Variants in PLBD2 observed in about 807,000 individuals in gnomAD.
PLBD2 encodes the protein phospholipase B domain containing 2.
Under a neutral mutation model 68.3 loss-of-function variants are expected in PLBD2, and 51 were observed. That is an observed-to-expected ratio of 0.75 (90% CI 0.60 to 0.94). The LOEUF is 0.94. PLBD2 is among the 40% of genes least tolerant of loss of function. PLBD2 has a pLI of 0.00. For synonymous variants in PLBD2, 314 were observed against 339.3 expected (o/e 0.93, Z 0.82); for missense variants, 729 against 792.2 (o/e 0.92, Z 0.96).
chr12:113,369,265 G>A, intron 2 of PLBD2, 56 bp downstream of exon 2: 1 of 1,424,982 alleles, frequency 7.0e-7, no homozygotes, highest in Non-Finnish European at 9.6e-7. Flanking sequence ...CCACAAGCAT[G>A]TTCCCCAGTG....
intron 2 of PLBD2, among the ~76,000 whole-genome samples, chr12:113,371,603 T>C (rs1373804803): frequency 6.6e-6 from 1 of 152,226 alleles, no homozygotes; most frequent in African/African-American, 2.4e-5. Flanking sequence ...GCTCACGGCC[T>C]GCTGGGGACA....
At position 113,358,753 on chromosome 12, in the gene PLBD2, C is replaced by A; in HGVS notation, c.153C>A (p.Arg51=). ...CAGCGCCGGGGGGCCGCTGGGCGCGCGATGGGCAGGTCCCTCCAGCCTCCC... is the reference window on the plus strand; with the variant it reads ...CAGCGCCGGGGGGCCGCTGGGCGCGAGATGGGCAGGTCCCTCCAGCCTCCC... ...AIPAPGGRWA[R]DGQVPPASRS... The change falls in exon 1 of 12, where the codon CGC becomes CGA. Residue 51 remains arginine, a synonymous_variant. Transcript: ENST00000280800. The A allele has an allele frequency of 7.1e-7, 1 of 1,399,928 alleles. No homozygotes were observed. 86.7% of individuals were successfully genotyped at this position (1,399,928 alleles called of 1,614,324 possible).
At chr12:113,366,929 C>T (rs907195191) in intron 1 of PLBD2, among the ~76,000 whole-genome samples, 10 of 152,152 alleles carry the variant, frequency 6.6e-5, no homozygotes, top group Admixed American at 3.3e-4. Context: ...AAGCGATTCT[C>T]CTGCCTCAGG....
chr12:113,360,696 G>C (rs1333705020), intron 1 of PLBD2, among the ~76,000 whole-genome samples: 2 of 152,208 alleles, frequency 1.3e-5, no homozygotes, highest in Non-Finnish European at 2.9e-5. Context: ...TCACTCCGTT[G>C]CCCAGCTGGA....
At chr12:113,359,965 T>G (rs1281871866) in intron 1 of PLBD2, among the ~76,000 whole-genome samples, 1 of 152,134 alleles carries the variant, frequency 6.6e-6, no homozygotes, top group Non-Finnish European at 1.5e-5. Context: ...CACTAGGATG[T>G]GCCCAGGATG....
At chr12:113,386,150 T>C (rs1304276090) in intron 9 of PLBD2, among the ~76,000 whole-genome samples, 1 of 152,174 alleles carries the variant, frequency 6.6e-6, no homozygotes, top group East Asian at 1.9e-4. Context: ...ATTATTGTTA[T>C]CCCGAATGTC....
At position 113,374,405 on chromosome 12, in the gene PLBD2, C is replaced by T. The variant is rs550667019; in HGVS notation, c.544-69C>T. The T allele has an allele frequency of 9.7e-5, 105 of 1,085,384 alleles. 1 individual carries two copies. In the Middle Eastern group the frequency reaches 2.0e-3, roughly 20 times the overall value. 67.2% of individuals were successfully genotyped at this position (1,085,384 alleles called of 1,614,324 possible). A position where few individuals can be genotyped will look rare whatever the true frequency, so the allele number is the denominator to read the frequency against. On this transcript the variant is annotated intron_variant, in intron 3 of 11. Transcript: ENST00000280800. Reference sequence around the variant, plus strand: ...TGAACCCCCAGGCCAGAGCCCGTCCCGTTGAAGGAGAAGGTGTGAGCCTGG... The same window carrying T: ...TGAACCCCCAGGCCAGAGCCCGTCCTGTTGAAGGAGAAGGTGTGAGCCTGG...
chr12:113,387,986 C>A lies in PLBD2; in HGVS notation c.1602+80C>A, dbSNP rs1008875261. The stretch of plus-strand genomic sequence containing the variant: ...GCTTTGGGGAAGGGACAGGTTGGGG[C>A]AAAGCTGATGGCGGGGCAGGAATCA... On this transcript the variant is annotated intron_variant, in intron 11 of 11. Transcript: ENST00000280800. 8.6e-6 allele frequency: 13 copies of A among 1,518,058 alleles called. No individual in the cohort carries two copies. The African/African-American group carries it at 1.6e-4, about 19-fold the overall frequency. 94.0% of individuals were successfully genotyped at this position (1,518,058 alleles called of 1,614,324 possible). A position where few individuals can be genotyped will look rare whatever the true frequency, so the allele number is the denominator to read the frequency against.
rs779216821 is a variant in PLBD2, at chr12:113,380,759, G to T, written c.874G>T (p.Val292Phe). The T allele has an allele frequency of 6.4e-6, 10 of 1,551,286 alleles. No individual in the cohort carries two copies. The highest frequency in any genetic ancestry group is 8.7e-6 in the Non-Finnish European group (10 of 1,147,632). Residue 292 changes from valine (V) to phenylalanine (F), a missense_variant, in exon 6 of 12, where the codon GTT (valine) becomes TTT (phenylalanine). Coordinates refer to ENST00000280800, the MANE Select transcript of PLBD2 (RefSeq NM_173542.4). Reference sequence around the variant, plus strand: ...TGCCTGCACAGGGGACTACCCGCTGGTTCCCGGCAACAAGCTGGTCTTCTC... The same window carrying T: ...TGCCTGCACAGGGGACTACCCGCTGTTTCCCGGCAACAAGCTGGTCTTCTC... ...REGPWGDYPL[V>F]PGNKLVFSSY...
chr12:113,363,758 C>T (rs1957317532), intron 1 of PLBD2, among the ~76,000 whole-genome samples: 1 of 151,970 alleles, frequency 6.6e-6, no homozygotes, highest in African/African-American at 2.4e-5. Flanking sequence ...AAGATGGTCT[C>T]GATCTCCTGA....
At chr12:113,366,314 C>T (rs936831397) in intron 1 of PLBD2, among the ~76,000 whole-genome samples, 2 of 150,850 alleles carry the variant, frequency 1.3e-5, no homozygotes. Flanking sequence ...AAAAATGCTT[C>T]CCCCCGCTAG....
intron 1 of PLBD2, chr12:113,359,185 G>C: frequency 2.5e-6 from 1 of 398,068 alleles, no homozygotes. Flanking sequence ...CCTGCATCTG[G>C]ATCAGGTCCA....
intron 5 of PLBD2, 47 bp from the exon 6 acceptor site, chr12:113,380,698 A>G (rs370657605): frequency 1.9e-5 from 28 of 1,492,036 alleles, no homozygotes; most frequent in Non-Finnish European, 2.3e-5. Flanking sequence ...AGGGGCCTCC[A>G]CCTGTGCCTG....
chr12:113,384,397 A>G lies in PLBD2; in HGVS notation c.1118+132A>G. The G allele has an allele frequency of 8.5e-7, 1 of 1,183,160 alleles. No individual in the cohort carries two copies. The highest frequency in any genetic ancestry group is 1.2e-6 in the Non-Finnish European group (1 of 862,902). 73.3% of individuals were successfully genotyped at this position (1,183,160 alleles called of 1,614,324 possible). A position where few individuals can be genotyped will look rare whatever the true frequency, so the allele number is the denominator to read the frequency against. ...CCCCACGCCCTCCTTTGTTTCATACATGGGGAGACTGAGGCTAGGGAAGGA... is the reference window on the plus strand; with the variant it reads ...CCCCACGCCCTCCTTTGTTTCATACGTGGGGAGACTGAGGCTAGGGAAGGA... On this transcript the variant is annotated intron_variant, in intron 7 of 11. Transcript: ENST00000280800. This position sits in a 1 kb window ranked among gnomAD's most constrained non-coding sequence, Gnocchi z 4.2.
At chr12:113,368,135 C>A (rs1486086916) in intron 1 of PLBD2, among the ~76,000 whole-genome samples, 1 of 152,070 alleles carries the variant, frequency 6.6e-6, no homozygotes, top group African/African-American at 2.4e-5. Context: ...TCAGAACCTG[C>A]CTTCTAACCA....
In PLBD2 at chr12:113,388,839, C is replaced by T. The variant is rs1957579384; in HGVS notation, c.*213C>T. 2 of 483,590 alleles carry T rather than the reference C, an allele frequency of 4.1e-6. No homozygotes were observed. The highest frequency in any genetic ancestry group is 7.2e-6 in the Non-Finnish European group (2 of 279,384). 30.0% of individuals were successfully genotyped at this position (483,590 alleles called of 1,614,324 possible). On this transcript the variant is annotated 3_prime_UTR_variant, in exon 12 of 12. Transcript: ENST00000280800. ...CCGAGGTGGGTGGGCACCGTGGCGT[C>T]TCTTCTGCCCTGCCCTAAATCTCCC...
Position 113,358,594 on chromosome 12 carries a change from T to A in PLBD2, c.-7T>A. The A allele has an allele frequency of 6.8e-7, 1 of 1,466,670 alleles. No individual in the cohort carries two copies. The highest frequency in any genetic ancestry group is 8.9e-7 in the Non-Finnish European group (1 of 1,118,662). 90.9% of individuals were successfully genotyped at this position (1,466,670 alleles called of 1,614,324 possible). On this transcript the variant is annotated 5_prime_UTR_variant, in exon 1 of 12. Transcript: ENST00000280800. The stretch of plus-strand genomic sequence containing the variant: ...ACCCGGGCTGCGGGGCGCAGCATTG[T>A]GCGGTCATGGTGGGCCAGATGTACT...
chr12:113,388,437 TGCG>T lies in PLBD2; in HGVS notation c.1603-19_1603-17del. ...GGGCAGGCCAGGACCCCTGCTCAGC[TGCG>T]GCTCTGCCCTGTCCCCAGGTGACCA... is the stretch of plus-strand genomic sequence containing the variant. On this transcript the variant is annotated intron_variant, in intron 11 of 11. Coordinates refer to ENST00000280800, the MANE Select transcript of PLBD2 (RefSeq NM_173542.4). 6.5e-7 allele frequency: 1 copy of T among 1,528,718 alleles called. No homozygotes were observed. The highest frequency in any genetic ancestry group is 8.8e-7 in the Non-Finnish European group (1 of 1,141,724). 94.7% of individuals were successfully genotyped at this position (1,528,718 alleles called of 1,614,324 possible).
At chr12:113,379,307 CAAA>C (rs759130410) in intron 5 of PLBD2, among the ~76,000 whole-genome samples, 6 of 46,478 alleles carry the variant, frequency 1.3e-4, no homozygotes, top group Non-Finnish European at 1.9e-4. Context: ...GACTCTGTCT[CAAA>C]AAAAAAAAAA....
Sources: allele counts gnomAD v4.1 joint callset (sites outside exome capture counted in the v4.1 genomes callset), GRCh38; gene constraint gnomAD v4.1.1; non-coding constraint Gnocchi (gnomAD v3.1); transcripts MANE v1.5; gene names NCBI Gene and HGNC (gene_info 2026-07-23, HGNC 2026-07-21).